The following RAP1GAP variants were observed in gnomAD, a reference collection of about 807,000 sequenced individuals.
RAP1GAP encodes rap1 GTPase-activating protein 1.
Under a neutral mutation model 87.2 loss-of-function variants are expected in RAP1GAP, and 35 were observed. The observed-to-expected ratio is 0.40, with a 90% confidence interval of 0.31 to 0.53. The LOEUF (loss-of-function observed/expected upper bound fraction) is 0.53, where lower values mean the gene tolerates loss of function less well. Among genes scored for constraint, RAP1GAP ranks in the 20% least tolerant of loss-of-function variants. RAP1GAP has a pLI of 0.48. For synonymous variants in RAP1GAP, 375 were observed against 363.9 expected (o/e 1.03, Z -0.35); for missense variants, 734 against 898.9 (o/e 0.82, Z 2.35).
At chr1:21,624,236 C>A (rs893915525) in intron 3 of RAP1GAP, among the ~76,000 whole-genome samples, 1 of 152,132 alleles carries the variant, frequency 6.6e-6, no homozygotes, top group Non-Finnish European at 1.5e-5. Flanking sequence ...AATGTGGGGC[C>A]TGAAGGGAGG....
intron 1 of RAP1GAP, among the ~76,000 whole-genome samples, chr1:21,655,504 C>T (rs1302274832): frequency 1.3e-5 from 2 of 152,252 alleles, no homozygotes; most frequent in Non-Finnish European, 2.9e-5. Context: ...CACTGGCCCA[C>T]TGTGACAGGG....
chr1:21,612,205 C>T (rs1470763619), intron 10 of RAP1GAP, 96 bp from the exon 11 acceptor site: 3 of 889,842 alleles, frequency 3.4e-6, no homozygotes, highest in Non-Finnish European at 5.5e-6. Flanking sequence ...GCGCTCTACA[C>T]ACGTCACGTC....
In RAP1GAP at chr1:21,611,756, C is replaced by T; in HGVS notation, c.673G>A (p.Glu225Lys). 1.9e-6 allele frequency: 3 copies of T among 1,614,124 alleles called. No homozygotes were observed. Among genetic ancestry groups the T allele is most frequent in the Non-Finnish European group, 2.5e-6 (3 of 1,179,946 alleles). Residue 225 changes from glutamate to lysine, a missense_variant, in exon 12 of 25, where the codon GAA (glutamate) becomes AAA (lysine). This residue lies in a region of RAP1GAP where 485 missense variants were observed against 646.2 expected (regional missense o/e 0.75). Transcript: ENST00000374765. ...AGTTTGACCTTCTGGCCAAGAAATT[C>T]AAGGAACTCCACGAAAGCGGGACTT... ...EESPAFVEFL[E>K]FLGQKVKLQD... is the part of the protein sequence containing the mutation.
chr1:21,597,750 G>T, intron 23 of RAP1GAP, 22 bp from the exon 24 acceptor site: 2 of 1,613,414 alleles, frequency 1.2e-6, no homozygotes, highest in Non-Finnish European at 1.7e-6. Flanking sequence ...CAGTGGTGGT[G>T]AGGCAGGTGG....
chr1:21,620,856 T>C (rs200791895), intron 3 of RAP1GAP, among the ~76,000 whole-genome samples: 1 of 44,432 alleles, frequency 2.3e-5, no homozygotes, highest in African/African-American at 5.6e-5. Context: ...ACGCACACTC[T>C]CTCTCTCTCT....
intron 20 of RAP1GAP, among the ~76,000 whole-genome samples, chr1:21,600,883 T>TTAAAAAAAAAAAA (rs1558600821): frequency 2.4e-4 from 1 of 4,194 alleles, no homozygotes; most frequent in Non-Finnish European, 5.3e-4. Flanking sequence ...AGACTCTGTC[T>TTAAAAAAAAAAAA]CAAAAAAAAA....
intron 18 of RAP1GAP, 73 bp from the exon 19 acceptor site, chr1:21,602,986 G>A: frequency 8.8e-7 from 1 of 1,139,646 alleles, no homozygotes. Flanking sequence ...CCCCTCTGGG[G>A]ATCCTGCTGC....
At chr1:21,600,901 T>TAAAAAAAAAAAAAAA (rs1558601080) in intron 20 of RAP1GAP, among the ~76,000 whole-genome samples, 6 of 45,006 alleles carry the variant, frequency 1.3e-4, no homozygotes, top group Non-Finnish European at 3.0e-4. Context: ...AAAAAAAAAG[T>TAAAAAAAAAAAAAAA]CAAAGCTCTT....
In RAP1GAP at chr1:21,619,109, C is replaced by A. The variant is rs191335605; in HGVS notation, c.19-37G>T. Reference sequence around the variant, plus strand: ...GGCAGCACTGTTACACCCTCCCAGGCCTGCCGCCAGGCGCTGCCTCCCCTC... The same window carrying A: ...GGCAGCACTGTTACACCCTCCCAGGACTGCCGCCAGGCGCTGCCTCCCCTC... On this transcript the variant is annotated intron_variant, in intron 4 of 24. Transcript: ENST00000374765. 2.9e-5 allele frequency: 46 copies of A among 1,568,718 alleles called. No homozygotes were observed. The African/African-American group carries it at 5.8e-4, about 20-fold the overall frequency.
intron 2 of RAP1GAP, among the ~76,000 whole-genome samples, chr1:21,640,982 A>G (rs1022881028): frequency 2.7e-5 from 4 of 150,018 alleles, no homozygotes; most frequent in Admixed American, 1.3e-4. Context: ...ATCTCGGCTC[A>G]TGGTAATCTC....
At chr1:21,606,479 T>G (rs920281853) in intron 17 of RAP1GAP, among the ~76,000 whole-genome samples, 1 of 152,206 alleles carries the variant, frequency 6.6e-6, no homozygotes. Context: ...GGGACACCAC[T>G]TCAGTTCTCT....
intron 2 of RAP1GAP, among the ~76,000 whole-genome samples, chr1:21,628,290 C>T (rs2150395941): frequency 6.6e-6 from 1 of 151,008 alleles, no homozygotes; most frequent in South Asian, 2.1e-4. Context: ...TGATGGCTCA[C>T]ACCTGTAATC....
At position 21,609,447 on chromosome 1, in the gene RAP1GAP, G is replaced by T; in HGVS notation, c.1071+128C>A. ...ATGGAAAAGCCAGGCCCCGGTTGCA[G>T]TTAGGGGAGCCCAGCTGCCCTGGCA... On this transcript the variant is annotated intron_variant, in intron 15 of 24. Coordinates refer to ENST00000374765, the MANE Select transcript of RAP1GAP (RefSeq NM_002885.4). This position sits in a 1 kb window ranked among gnomAD's most constrained non-coding sequence, Gnocchi z 4.4. 1 of 543,312 alleles carries T rather than the reference G, an allele frequency of 1.8e-6. No individual in the cohort carries two copies. Among genetic ancestry groups the T allele is most frequent in the Non-Finnish European group, 3.2e-6 (1 of 314,504 alleles). 33.7% of individuals were successfully genotyped at this position (543,312 alleles called of 1,614,324 possible). A position where few individuals can be genotyped will look rare whatever the true frequency, so the allele number is the denominator to read the frequency against.
chr1:21,608,083 AC>A, intron 17 of RAP1GAP, 129 bp downstream of exon 17: 1 of 1,306,552 alleles, frequency 7.7e-7, no homozygotes, highest in South Asian at 1.6e-5. Context: ...CCGGGACTCC[AC>A]CCCCTCAGCC....
In RAP1GAP at chr1:21,622,391, A is replaced by C. The variant is rs1448581011; in HGVS notation, c.-18-2341T>G. Reference sequence around the variant, plus strand: ...GCCCCTCCGCGGACGGCCGGGTGGCACCGCGGGCCGCAGCTGTGCCATCCT... The same window carrying C: ...GCCCCTCCGCGGACGGCCGGGTGGCCCCGCGGGCCGCAGCTGTGCCATCCT... On this transcript the variant is annotated intron_variant, in intron 3 of 24. Transcript: ENST00000374765. This position sits in a 1 kb window ranked among gnomAD's most constrained non-coding sequence, Gnocchi z 5.7. The C allele has an allele frequency of 2.4e-6, 1 of 419,144 alleles. No individual in the cohort carries two copies. The allele number at this position is 419,144 out of a possible 1,614,324, so 26.0% of individuals were successfully genotyped here. A position where few individuals can be genotyped will look rare whatever the true frequency, so the allele number is the denominator to read the frequency against.
At chr1:21,618,368 AC>A (rs927847056) in intron 5 of RAP1GAP, among the ~76,000 whole-genome samples, 12 of 151,996 alleles carry the variant, frequency 7.9e-5, no homozygotes, top group African/African-American at 2.9e-4. Flanking sequence ...CTGCCCATGC[AC>A]CCTCCTCTAA....
At chr1:21,614,657 G>A (rs1210630838) in intron 7 of RAP1GAP, among the ~76,000 whole-genome samples, 1 of 152,186 alleles carries the variant, frequency 6.6e-6, no homozygotes, top group African/African-American at 2.4e-5. Context: ...TGGAGGAGAG[G>A]GCACAGGGTT....
chr1:21,653,608 CTCCT>C (rs1558897826), intron 1 of RAP1GAP, among the ~76,000 whole-genome samples: 3 of 145,750 alleles, frequency 2.1e-5, no homozygotes, highest in African/African-American at 5.1e-5. Flanking sequence ...CCCTCCCTCC[CTCCT>C]TCCTAAGTAG....
chr1:21,612,874 T>C (rs747056273), intron 10 of RAP1GAP, among the ~76,000 whole-genome samples: 9 of 152,186 alleles, frequency 5.9e-5, no homozygotes, highest in Non-Finnish European at 8.8e-5. Flanking sequence ...GGGAGGACTA[T>C]GGCACAGCTT....
Sources: allele counts gnomAD v4.1 joint callset (sites outside exome capture counted in the v4.1 genomes callset), GRCh38; gene constraint gnomAD v4.1.1; regional missense constraint gnomAD v4.1.1; non-coding constraint Gnocchi (gnomAD v3.1); transcripts MANE v1.5; gene names NCBI Gene and HGNC (gene_info 2026-07-23, HGNC 2026-07-21).